The following DACH1 variants were observed in gnomAD, a reference collection of about 807,000 sequenced individuals.
DACH1 encodes dachshund homolog 1.
DACH1 carries 12 observed loss-of-function variants against 54.2 expected under a neutral mutation model. The observed-to-expected ratio is 0.22, with a 90% confidence interval of 0.14 to 0.36. The LOEUF (loss-of-function observed/expected upper bound fraction) is 0.36. DACH1 is among the 10% of genes least tolerant of loss of function. DACH1 has a pLI of 1.00. For synonymous variants in DACH1, 386 were observed against 366.2 expected (o/e 1.05, Z -0.62); for missense variants, 805 against 929.8 (o/e 0.87, Z 1.75).
At chr13:71,587,823 A>T (rs1873390833) in intron 3 of DACH1, among the ~76,000 whole-genome samples, 1 of 152,114 alleles carries the variant, frequency 6.6e-6, no homozygotes, top group South Asian at 2.1e-4. Flanking sequence ...TTCCATAAAA[A>T]AGATAGCTCC....
intron 3 of DACH1, among the ~76,000 whole-genome samples, chr13:71,620,707 T>C (rs1326196095): frequency 6.6e-6 from 1 of 152,018 alleles, no homozygotes; most frequent in African/African-American, 2.4e-5. Flanking sequence ...AAGTTAAATA[T>C]GCTTTCTGAA....
At chr13:71,517,905 A>G (rs897697211) in intron 6 of DACH1, among the ~76,000 whole-genome samples, 1 of 151,926 alleles carries the variant, frequency 6.6e-6, no homozygotes, top group Non-Finnish European at 1.5e-5. Flanking sequence ...AATATAATTC[A>G]TTCTATTTTG....
intron 7 of DACH1, 30 bp from the exon 8 acceptor site, chr13:71,479,346 T>C (rs746080957): frequency 6.3e-6 from 10 of 1,594,438 alleles, no homozygotes; most frequent in Non-Finnish European, 8.5e-6. Context: ...GGAATGGTAA[T>C]ATTTTAATAC....
At chr13:71,464,457 A>G in intron 10 of DACH1, 1 of 314,234 alleles carries the variant, frequency 3.2e-6, no homozygotes, top group Non-Finnish European at 6.1e-6. Flanking sequence ...AAACATACAA[A>G]CTTGTGCAAT....
chr13:71,760,428 C>A (rs1057314585), intron 1 of DACH1, among the ~76,000 whole-genome samples: 1 of 152,172 alleles, frequency 6.6e-6, no homozygotes, highest in African/African-American at 2.4e-5. Context: ...ATTCTCACTG[C>A]GCTCTGTATT....
At chr13:71,724,630 A>G (rs952785304) in intron 1 of DACH1, among the ~76,000 whole-genome samples, 1 of 152,256 alleles carries the variant, frequency 6.6e-6, no homozygotes, top group African/African-American at 2.4e-5. Context: ...TTCCAAGTCA[A>G]TTGAATAAAG....
intron 1 of DACH1, among the ~76,000 whole-genome samples, chr13:71,839,203 A>T (rs1888919610): frequency 6.6e-6 from 1 of 152,208 alleles, no homozygotes; most frequent in African/African-American, 2.4e-5. Context: ...TTTCAAAGTT[A>T]CTTGAATCCA....
chr13:71,570,399 T>G (rs1593912232), intron 4 of DACH1, among the ~76,000 whole-genome samples: 1 of 152,286 alleles, frequency 6.6e-6, no homozygotes, highest in Middle Eastern at 3.4e-3. Flanking sequence ...TGATAAAAAA[T>G]GGGCCTTTCA....
intron 1 of DACH1, among the ~76,000 whole-genome samples, chr13:71,736,949 T>A (rs1158724361): frequency 1.3e-5 from 2 of 152,112 alleles, no homozygotes; most frequent in East Asian, 3.9e-4. Flanking sequence ...ATCTGATAAA[T>A]GACACTTTAA....
At chr13:71,568,466 T>C (rs1885021266) in intron 4 of DACH1, among the ~76,000 whole-genome samples, 1 of 151,924 alleles carries the variant, frequency 6.6e-6, no homozygotes, top group South Asian at 2.1e-4. Flanking sequence ...TCAGAACAAA[T>C]TAGAATAATT....
At chr13:71,751,199 A>C (rs951064130) in intron 1 of DACH1, among the ~76,000 whole-genome samples, 3 of 152,154 alleles carry the variant, frequency 2.0e-5, no homozygotes, top group Non-Finnish European at 4.4e-5. Flanking sequence ...TTGCATATTC[A>C]GTTATTGTTT....
chr13:71,478,407 A>C (rs1467752101), intron 8 of DACH1, among the ~76,000 whole-genome samples: 1 of 152,230 alleles, frequency 6.6e-6, no homozygotes, highest in Non-Finnish European at 1.5e-5. Flanking sequence ...TTTCAAACAT[A>C]TAAAGGAAAA....
intron 1 of DACH1, among the ~76,000 whole-genome samples, chr13:71,834,519 C>T (rs1197643339): frequency 1.3e-5 from 2 of 152,028 alleles, no homozygotes; most frequent in Non-Finnish European, 2.9e-5. Context: ...TTTCTGGAAT[C>T]ACTATCTATA....
At chr13:71,621,761 G>A (rs1394810187) in intron 3 of DACH1, among the ~76,000 whole-genome samples, 2 of 152,042 alleles carry the variant, frequency 1.3e-5, no homozygotes, top group Non-Finnish European at 2.9e-5. Flanking sequence ...AGGCACTGCT[G>A]CAGCGATATT....
intron 6 of DACH1, among the ~76,000 whole-genome samples, chr13:71,489,419 A>T (rs1878806445): frequency 6.6e-6 from 1 of 152,134 alleles, no homozygotes; most frequent in Admixed American, 6.5e-5. Context: ...AACAAATATT[A>T]TCTCATATAT....
intron 3 of DACH1, among the ~76,000 whole-genome samples, chr13:71,605,827 C>G (rs536746232): frequency 1.3e-5 from 2 of 151,990 alleles, no homozygotes; most frequent in Admixed American, 6.6e-5. Context: ...CTCCCAGATT[C>G]TCACCCCGTG....
intron 1 of DACH1, among the ~76,000 whole-genome samples, chr13:71,851,222 G>C (rs935026989): frequency 1.3e-5 from 2 of 152,078 alleles, no homozygotes; most frequent in African/African-American, 4.8e-5. Context: ...TTAATCAAAG[G>C]CAAGTAGCTT....
chr13:71,790,332 T>A (rs2138092145), intron 1 of DACH1, among the ~76,000 whole-genome samples: 1 of 152,292 alleles, frequency 6.6e-6, no homozygotes, highest in South Asian at 2.1e-4. Flanking sequence ...CTGAAGCATC[T>A]CTAGAAGTCC....
At chr13:71,672,400 G>C (rs1263809123) in intron 2 of DACH1, among the ~76,000 whole-genome samples, 1 of 152,082 alleles carries the variant, frequency 6.6e-6, no homozygotes, top group Non-Finnish European at 1.5e-5. Context: ...TGTTGTTCCT[G>C]CCAACCCTTT....
Sources: gnomAD v4.1 joint callset for allele counts (sites outside exome capture counted in the v4.1 genomes callset) on GRCh38, gnomAD v4.1.1 for gene constraint, MANE v1.5 for transcripts, NCBI Gene and HGNC (gene_info 2026-07-23, HGNC 2026-07-21) for gene names.